AIMP2: variants seen among roughly 807,000 people sequenced by gnomAD.
The protein encoded by AIMP2 is aminoacyl tRNA synthase complex-interacting multifunctional protein 2.
Under a neutral mutation model 23.4 loss-of-function variants are expected in AIMP2, and 20 were observed. The observed-to-expected ratio is 0.85, with a 90% CI of 0.60 to 1.24. The LOEUF is 1.24. Among genes scored for constraint, AIMP2 ranks in the 50% most tolerant of loss-of-function variants. The probability of loss-of-function intolerance (pLI) is 0.00; values close to 1 mark genes in which losing one functional copy is unlikely to be tolerated. For missense variants in AIMP2, 515 were observed against 414.5 expected, an observed-to-expected ratio of 1.24 and a Z score of -2.10; for synonymous variants, 210 against 170.4, an observed-to-expected ratio of 1.23 and a Z score of -1.81.
chr7:6,009,591 G>C, intron 1 of AIMP2, 93 bp downstream of exon 1: 2 of 1,163,410 alleles, frequency 1.7e-6, no homozygotes, highest in Non-Finnish European at 2.2e-6. Flanking sequence ...GTCCCAACCG[G>C]TTCACGGCCC....
At chr7:6,023,195 C>A in intron 3 of AIMP2, 108 bp from the exon 4 acceptor site, 1 of 1,298,646 alleles carries the variant, frequency 7.7e-7, no homozygotes, top group Non-Finnish European at 1.0e-6. Context: ...AACACCCTTT[C>A]CCATGTCATC....
Position 6,018,292 on chromosome 7 carries a change from G to A in AIMP2, c.574+247G>A, listed in dbSNP as rs1316946000. ...CTCCTGAGTAGCTGGGATTACAGGC[G>A]CGCACCACCAGGCCCAGCTAATTTT... On this transcript the variant is annotated intron_variant, in intron 3 of 3. Coordinates refer to ENST00000223029, the MANE Select transcript of AIMP2 (RefSeq NM_006303.4). 6.0e-5 allele frequency among the ~76,000 whole-genome samples: 9 copies of A among 150,994 alleles called. No homozygotes were observed. The South Asian group carries it at 1.0e-3, about 18-fold the overall frequency.
chr7:6,011,441 T>C (rs1486283446), intron 1 of AIMP2, among the ~76,000 whole-genome samples: 1 of 152,186 alleles, frequency 6.6e-6, no homozygotes, highest in Non-Finnish European at 1.5e-5. Flanking sequence ...TTTTGTAATG[T>C]ACCTGCTCAA....
At chr7:6,009,611 AT>A in intron 1 of AIMP2, 113 bp downstream of exon 1, 2 of 957,298 alleles carry the variant, frequency 2.1e-6, no homozygotes, top group Non-Finnish European at 2.8e-6. Context: ...CCACCCCGGC[AT>A]CTGTGCCGGC....
In AIMP2 at chr7:6,018,045, G is replaced by A; in HGVS notation, c.574G>A (p.Val192Met). 1 of 1,611,550 alleles carries A rather than the reference G, an allele frequency of 6.2e-7. No individual in the cohort carries two copies. The highest frequency in any genetic ancestry group is 8.5e-7 in the Non-Finnish European group (1 of 1,178,600). ...GGGATTCACTTTAATTTGGAAGAAT[G>A]GTAAGTAGACGGGACTGAGTTCAAC... ...QLGFTLIWKN[V>M]PKTQMKFSIQ... Residue 192 changes from valine to methionine, a missense_variant and splice_region_variant, in exon 3 of 4, where the codon GTG becomes ATG. By Grantham distance (21) the Val-to-Met change is conservative. Coordinates refer to ENST00000223029, the MANE Select transcript of AIMP2 (RefSeq NM_006303.4).
chr7:6,011,466 T>G (rs1786684974), intron 1 of AIMP2, among the ~76,000 whole-genome samples: 1 of 152,166 alleles, frequency 6.6e-6, no homozygotes. Flanking sequence ...TTCACTCTTT[T>G]CTCATTGCAA....
chr7:6,013,081 G>A lies in AIMP2; in HGVS notation c.136-2065G>A, dbSNP rs1445189297. 4 of 704,276 alleles carry A rather than the reference G, an allele frequency of 5.7e-6. No homozygotes were observed. In the African/African-American group the frequency reaches 5.8e-5, roughly 10 times the overall value. The allele number at this position is 704,276 out of a possible 1,614,324, so 43.6% of individuals were successfully genotyped here. ...GATCTGTGGTCAGAGCCAGGGTGGT[G>A]GTTTAGGAACTCCTCGGACAGTGTG... On this transcript the variant is annotated intron_variant, in intron 1 of 3. Transcript: ENST00000223029.
chr7:6,017,927 G>T lies in AIMP2; in HGVS notation c.456G>T (p.Val152=). Residue 152 remains valine, a synonymous_variant, in exon 3 of 4, where the codon GTG becomes GTT. Coordinates refer to ENST00000223029, the MANE Select transcript of AIMP2 (RefSeq NM_006303.4). ...LCEHFRVLST[V]HTHSSVKSVP... ...AGCACTTCAGGGTCCTGTCCACGGT[G>T]CACACGCACTCCTCGGTCAAGAGCG... is the stretch of plus-strand genomic sequence containing the variant. 1 of 1,614,054 alleles carries T rather than the reference G, an allele frequency of 6.2e-7. No homozygotes were observed. Among genetic ancestry groups the T allele is most frequent in the Non-Finnish European group, 8.5e-7 (1 of 1,180,010 alleles).
rs376884722 is a variant in AIMP2, at chr7:6,009,465, C to T, written c.102C>T (p.Ser34=). 2.5e-6 allele frequency: 4 copies of T among 1,607,578 alleles called. No individual in the cohort carries two copies. Among genetic ancestry groups the T allele is most frequent in the Non-Finnish European group, 3.4e-6 (4 of 1,178,374 alleles). The change falls in exon 1 of 4, where the codon AGC becomes AGT. Residue 34 remains serine (S), a synonymous_variant. Coordinates refer to ENST00000223029, the MANE Select transcript of AIMP2 (RefSeq NM_006303.4). The stretch of plus-strand genomic sequence containing the variant: ...GGCTCCCCAACGTGCACGGCAGGAG[C>T]TACGGCCCAGCGCCGGGCGCTGGCC... The part of the protein sequence containing the change: ...MYRLPNVHGR[S]YGPAPGAGHV...
chr7:6,009,583 C>G (rs974384842), intron 1 of AIMP2, 85 bp downstream of exon 1: 1 of 1,262,370 alleles, frequency 7.9e-7, no homozygotes, highest in Non-Finnish European at 1.0e-6. Flanking sequence ...GCGAGCGCGT[C>G]CCAACCGGTT....
intron 1 of AIMP2, among the ~76,000 whole-genome samples, chr7:6,011,483 A>G (rs900994503): frequency 1.3e-5 from 2 of 152,176 alleles, no homozygotes; most frequent in African/African-American, 4.8e-5. Flanking sequence ...GCAAACGTAC[A>G]TCCTAGGTTT....
At chr7:6,018,483 A>C (rs1419029135) in intron 3 of AIMP2, among the ~76,000 whole-genome samples, 1 of 151,128 alleles carries the variant, frequency 6.6e-6, no homozygotes, top group Admixed American at 6.6e-5. Flanking sequence ...ATCTTGGAAA[A>C]TTTTTTGGAG....
Position 6,015,153 on chromosome 7 carries a change from C to T in AIMP2, c.143C>T (p.Ser48Phe). 1.9e-6 allele frequency: 3 copies of T among 1,614,096 alleles called. No individual in the cohort carries two copies. Among genetic ancestry groups the T allele is most frequent in the Non-Finnish European group, 2.5e-6 (3 of 1,179,982 alleles). The change falls in exon 2 of 4, where the codon TCT (serine) becomes TTT (phenylalanine). Residue 48 changes from serine to phenylalanine, a missense_variant. By Grantham distance (155) the Ser-to-Phe change is radical. Coordinates refer to ENST00000223029, the MANE Select transcript of AIMP2 (RefSeq NM_006303.4). ...APGAGHVQEE[S>F]NLSLQALESR... ...GGCTGTTGGTTTGTTTAGGAAGAGT[C>T]TAACCTGTCTCTGCAAGCTCTTGAG...
chr7:6,009,781 T>C (rs1786427773), intron 1 of AIMP2, among the ~76,000 whole-genome samples: 1 of 149,872 alleles, frequency 6.7e-6, no homozygotes, highest in African/African-American at 2.5e-5. Context: ...TAAAACCTCG[T>C]CTCTACTAAA....
At position 6,017,824 on chromosome 7, in the gene AIMP2, C is replaced by T. The variant is rs773098686; in HGVS notation, c.353C>T (p.Ala118Val). Residue 118 changes from alanine (A) to valine (V), a missense_variant, in exon 3 of 4, where the codon GCG becomes GTG. Transcript: ENST00000223029. ...LNSVLGKDYG[A>V]LKDIVINANP... is the part of the protein sequence containing the mutation. ...TTGGTCTTTCCCCAGGATTACGGGGCGCTGAAAGACATCGTGATCAACGCA... is the reference window on the plus strand; with the variant it reads ...TTGGTCTTTCCCCAGGATTACGGGGTGCTGAAAGACATCGTGATCAACGCA... 2.4e-5 allele frequency: 39 copies of T among 1,613,372 alleles called. No homozygotes were observed. The highest frequency in any genetic ancestry group is 1.1e-4 in the African/African-American group (8 of 74,884).
At chr7:6,011,290 G>C (rs1011991510) in intron 1 of AIMP2, among the ~76,000 whole-genome samples, 1 of 152,174 alleles carries the variant, frequency 6.6e-6, no homozygotes, top group Non-Finnish European at 1.5e-5. Context: ...CTCACCAGCA[G>C]GGTAGAAGAA....
At chr7:6,019,343 G>C (rs10256219) in intron 3 of AIMP2, among the ~76,000 whole-genome samples, 10,435 of 151,742 alleles carry the variant, frequency 0.069, 395 homozygotes, top group East Asian at 0.096. Context: ...AAATTAGCCA[G>C]GCATGGTGGC....
rs752863238 is a variant in AIMP2, at chr7:6,023,277, C to G, written c.575-26C>G. 9 of 1,561,312 alleles carry G rather than the reference C, an allele frequency of 5.8e-6. No individual in the cohort carries two copies. In the Admixed American group the frequency reaches 1.3e-4, roughly 22 times the overall value. The stretch of plus-strand genomic sequence containing the variant: ...TTCCCTCAGGGCTGCTCTGGTGATG[C>G]TACCTGGCGTGTTTTTTCTTTTCAG... On this transcript the variant is annotated intron_variant, in intron 3 of 3. Coordinates refer to ENST00000223029, the MANE Select transcript of AIMP2 (RefSeq NM_006303.4).
intron 2 of AIMP2, among the ~76,000 whole-genome samples, chr7:6,016,458 A>C (rs1787034848): frequency 6.6e-6 from 1 of 152,178 alleles, no homozygotes; most frequent in Non-Finnish European, 1.5e-5. Context: ...CTCTGCATTC[A>C]TGTATTCCTT....
Sources: gnomAD v4.1 joint callset for allele counts (sites outside exome capture counted in the v4.1 genomes callset) on GRCh38, gnomAD v4.1.1 for gene constraint, MANE v1.5 for transcripts, NCBI Gene and HGNC (gene_info 2026-07-23, HGNC 2026-07-21) for gene names.